Variants in EFHD1 observed in about 807,000 individuals in gnomAD.
EFHD1 encodes EF-hand domain-containing protein D1.
In EFHD1, 10 loss-of-function variants were observed where a neutral mutation model predicts 17.2. The observed-to-expected ratio is 0.58, with a 90% CI of 0.36 to 0.99. The LOEUF is 0.99. Among genes scored for constraint, EFHD1 ranks in the 50% least tolerant of loss-of-function variants. The pLI is 0.01. For missense variants in EFHD1, 310 were observed against 327.5 expected, an observed-to-expected ratio of 0.95 and a Z score of 0.41; for synonymous variants, 153 against 142.0, an observed-to-expected ratio of 1.08 and a Z score of -0.55.
At chr2:232,643,523 C>T (rs73105470) in intron 1 of EFHD1, among the ~76,000 whole-genome samples, 7,112 of 148,756 alleles carry the variant, frequency 0.048, 558 homozygotes, top group African/African-American at 0.17. Context: ...TCCTTCTGCC[C>T]GAGTCCCCGC....
chr2:232,613,666 AC>A lies in EFHD1; in HGVS notation c.14+7494del, dbSNP rs1193782000. On this transcript the variant is annotated intron_variant, in intron 1 of 3. Transcript: ENST00000409613. ...CACATACACACACACACAAATACAC[AC>A]ACACAAATATACACACATACACAAA... 2.6e-3 allele frequency among the ~76,000 whole-genome samples: 388 copies of A among 151,016 alleles called. 3 individuals are homozygous for A. The highest frequency in any genetic ancestry group is 9.1e-3 in the African/African-American group (370 of 40,632).
intron 1 of EFHD1, among the ~76,000 whole-genome samples, chr2:232,662,301 G>A (rs1361969267): frequency 1.3e-5 from 2 of 152,252 alleles, no homozygotes; most frequent in East Asian, 3.9e-4. Flanking sequence ...GCACACAGGG[G>A]TGGGAAGCAA....
At chr2:232,632,193 T>C (rs917319410), upstream of EFHD1, among the ~76,000 whole-genome samples, 1 of 152,220 alleles carries the variant, frequency 6.6e-6, no homozygotes, top group African/African-American at 2.4e-5. Flanking sequence ...GTTGCCATTG[T>C]ATATGTAAAA....
intron 1 of EFHD1, among the ~76,000 whole-genome samples, chr2:232,647,127 C>T (rs1694545443): frequency 6.6e-6 from 1 of 152,278 alleles, no homozygotes. Flanking sequence ...CACAAGACCT[C>T]ATGACCACTC....
intron 1 of EFHD1, among the ~76,000 whole-genome samples, chr2:232,655,562 G>A (rs771624462): frequency 1.3e-5 from 2 of 152,204 alleles, no homozygotes; most frequent in Non-Finnish European, 2.9e-5. Context: ...CTGGGACTCC[G>A]TGTAACAGAG....
chr2:232,675,130 C>T (rs1300829638), intron 3 of EFHD1, among the ~76,000 whole-genome samples: 1 of 146,034 alleles, frequency 6.8e-6, no homozygotes, highest in Non-Finnish European at 1.5e-5. Context: ...GAGCCGAGAT[C>T]GTGTCACTGC....
Position 232,681,627 on chromosome 2 carries a change from A to C in EFHD1, c.628A>C (p.Lys210Gln). Residue 210 changes from lysine to glutamine, a missense_variant, in exon 4 of 4, where the codon AAA becomes CAA. Lys to Gln is a moderately conservative substitution (Grantham distance 53). Transcript: ENST00000264059. ...GGCCAGTAAGTTTGAAGCAGAGTTG[A>C]AAGCTGAGCAAGATGAGCGGAAGCG... Reference protein sequence around the residue: ...SSASKFEAELKAEQDERKREE... With the variant: ...SSASKFEAELQAEQDERKREE... 6.2e-7 allele frequency: 1 copy of C among 1,614,232 alleles called. No homozygotes were observed.
intron 1 of EFHD1, among the ~76,000 whole-genome samples, chr2:232,623,252 C>T (rs1187662370): frequency 6.6e-6 from 1 of 151,790 alleles, no homozygotes. Flanking sequence ...CACCATGTTG[C>T]CTAGGCTTGT....
At chr2:232,674,316 A>T (rs1695133002) in intron 3 of EFHD1, among the ~76,000 whole-genome samples, 2 of 152,264 alleles carry the variant, frequency 1.3e-5, no homozygotes, top group Non-Finnish European at 2.9e-5. Flanking sequence ...TCATTGTGAT[A>T]TACCCACACA....
At chr2:232,649,690 A>G in intron 1 of EFHD1, among the ~76,000 whole-genome samples, 1 of 152,104 alleles carries the variant, frequency 6.6e-6, no homozygotes, top group East Asian at 1.9e-4. Context: ...GGGCCCCTCG[A>G]CCACTCTGCA....
chr2:232,624,500 C>T (rs1332722736), intron 1 of EFHD1, among the ~76,000 whole-genome samples: 1 of 152,260 alleles, frequency 6.6e-6, no homozygotes, highest in Non-Finnish European at 1.5e-5. Flanking sequence ...CACAGGGGCT[C>T]CAGGGCCTAT....
intron 1 of EFHD1, among the ~76,000 whole-genome samples, chr2:232,613,613 C>CAT (rs1693846745): frequency 1.7e-5 from 2 of 121,172 alleles, no homozygotes; most frequent in Non-Finnish European, 1.7e-5. Flanking sequence ...CACACACACA[C>CAT]ACACACACAC....
At chr2:232,671,059 A>G (rs552942133) in intron 2 of EFHD1, among the ~76,000 whole-genome samples, 2 of 152,292 alleles carry the variant, frequency 1.3e-5, no homozygotes, top group East Asian at 1.9e-4. Flanking sequence ...CATTGTAGGA[A>G]TGTTTCTGAA....
At chr2:232,608,701 C>T (rs193086398) in intron 1 of EFHD1, among the ~76,000 whole-genome samples, 111 of 152,026 alleles carry the variant, frequency 7.3e-4, no homozygotes, top group African/African-American at 2.5e-3. Flanking sequence ...GAGGCGGAGG[C>T]GGGCGGAAAA....
intron 1 of EFHD1, among the ~76,000 whole-genome samples, chr2:232,662,124 C>T (rs897234825): frequency 2.0e-5 from 3 of 152,018 alleles, no homozygotes; most frequent in Non-Finnish European, 2.9e-5. Flanking sequence ...CCCAGTCCCA[C>T]CTGGTGAAGC....
Position 232,627,756 on chromosome 2 carries a change from CTCT to C in EFHD1, c.14+21588_14+21590del, listed in dbSNP as rs535480430. 1.7e-3 allele frequency among the ~76,000 whole-genome samples: 256 copies of C among 152,204 alleles called. 1 individual carries two copies. Among genetic ancestry groups the C allele is most frequent in the African/African-American group, 5.5e-3 (229 of 41,552 alleles). ...AAATGTAAAACAATGCCTCTCTTCT[CTCT>C]TCTTATCAATGTTATTTATGTTAAT... is the stretch of plus-strand genomic sequence containing the variant. On this transcript the variant is annotated intron_variant, in intron 1 of 3. Transcript: ENST00000409613.
intron 1 of EFHD1, among the ~76,000 whole-genome samples, chr2:232,656,096 G>A (rs1005324256): frequency 3.3e-5 from 5 of 152,142 alleles, no homozygotes; most frequent in East Asian, 1.9e-4. Context: ...GTGAGCCACC[G>A]TGCCCGGCCT....
rs1371957845 is a variant in EFHD1, at chr2:232,662,810, C to A, written c.311C>A (p.Ala104Asp). The A allele has an allele frequency of 6.3e-7, 1 of 1,577,446 alleles. No homozygotes were observed. Among genetic ancestry groups the A allele is most frequent in the Non-Finnish European group, 8.6e-7 (1 of 1,164,966 alleles). Reference protein sequence around the residue: ...DLESMFKLYDAGRDGFIDLME... With the variant: ...DLESMFKLYDDGRDGFIDLME... ...TTCCTTTGACCCTGCAGGTATGACG[C>A]TGGGCGGGATGGCTTCATCGACCTG... The change falls in exon 2 of 4, where the codon GCT becomes GAT. Residue 104 changes from alanine (A) to aspartate (D), a missense_variant. By Grantham distance (126) the Ala-to-Asp change is moderately radical. Transcript: ENST00000264059.
At position 232,646,238 on chromosome 2, in the gene EFHD1, A is replaced by C. The variant is rs561279033; in HGVS notation, c.302+12232A>C. On this transcript the variant is annotated intron_variant, in intron 1 of 3. Coordinates refer to ENST00000264059, the MANE Select transcript of EFHD1 (RefSeq NM_025202.4). ...CCAAGGAAAAAAGTCTAGACTCCTC[A>C]TGTGGACCCTTAAGGCCCACTCCAG... Among the ~76,000 whole-genome samples, 9 of 152,116 alleles carry C rather than the reference A, an allele frequency of 5.9e-5. No individual in the cohort carries two copies. The East Asian group carries it at 1.5e-3, about 26-fold the overall frequency.
Sources: gnomAD v4.1 joint callset for allele counts (sites outside exome capture counted in the v4.1 genomes callset) on GRCh38, gnomAD v4.1.1 for gene constraint, MANE v1.5 for transcripts, NCBI Gene and HGNC (gene_info 2026-07-23, HGNC 2026-07-21) for gene names.